The following MCF2L variants were observed in gnomAD, a reference collection of about 807,000 sequenced individuals.
MCF2L encodes the protein MCF.2 cell line derived transforming sequence like.
A neutral mutation model predicts 153.4 loss-of-function variants in MCF2L; 97 were observed. That is an observed-to-expected ratio of 0.63 (90% CI 0.54 to 0.75). The LOEUF is 0.75. MCF2L is among the 30% of genes least tolerant of loss of function. The pLI is 0.00. For missense variants in MCF2L, 1,347 were observed against 1,495.2 expected (o/e 0.90, Z 1.64); for synonymous variants, 659 against 632.2 (o/e 1.04, Z -0.64).
At chr13:112,954,472 C>T (rs1292901797) in intron 2 of MCF2L, among the ~76,000 whole-genome samples, 1 of 152,250 alleles carries the variant, frequency 6.6e-6, no homozygotes, top group African/African-American at 2.4e-5. Context: ...CGGTCATTTT[C>T]ACTCCCTCCT....
At chr13:113,021,772 C>T (rs2084901232) in intron 2 of MCF2L, among the ~76,000 whole-genome samples, 3 of 152,198 alleles carry the variant, frequency 2.0e-5, no homozygotes, top group African/African-American at 7.2e-5. Context: ...GGAGCTTTGG[C>T]GCCTGCTTTT....
At chr13:112,913,277 GGT>G (rs2081255231) in intron 2 of MCF2L, among the ~76,000 whole-genome samples, 1 of 151,570 alleles carries the variant, frequency 6.6e-6, no homozygotes, top group Non-Finnish European at 1.5e-5. Context: ...GTATGTATGG[GGT>G]GTGTCTGTGT....
chr13:112,968,295 T>C (rs1211634596), upstream of MCF2L: 3 of 442,600 alleles, frequency 6.8e-6, no homozygotes, highest in African/African-American at 4.2e-5. Flanking sequence ...TTACCTATAA[T>C]ACCAAACCAC....
At position 113,031,181 on chromosome 13, in the gene MCF2L, CAGAG is replaced by C. The variant is rs1242785068; in HGVS notation, c.278+6425_278+6428del. 7.2e-5 allele frequency among the ~76,000 whole-genome samples: 10 copies of C among 139,448 alleles called. No individual in the cohort carries two copies. Among genetic ancestry groups the C allele is most frequent in the Non-Finnish European group, 1.2e-4 (8 of 64,404 alleles). 91.5% of individuals were successfully genotyped at this position (139,448 alleles called of 152,430 possible). On this transcript the variant is annotated intron_variant, in intron 3 of 29. Transcript: ENST00000535094. The surrounding 1 kb of genome is among the most constrained non-coding windows in gnomAD (Gnocchi z 5.5). ...GAGAGAAGAGACAGAGAGTGACAGA[CAGAG>C]ACAGAGAGACAGAGACAGACAGAGA...
rs2081598894 is a variant in MCF2L, at chr13:112,943,510, C to G, written c.169+41139C>G. ...GGGCTTTGAGAGACGGGCCGCTCTT[C>G]CCGGCGCGGTGCCTTCCAGGGAGGC... is the stretch of plus-strand genomic sequence containing the variant. On this transcript the variant is annotated intron_variant, in intron 2 of 29. Coordinates refer to the MCF2L transcript ENST00000375608. The surrounding 1 kb of genome is among the most constrained non-coding windows in gnomAD (Gnocchi z 4.2). Among the ~76,000 whole-genome samples, 1 of 152,070 alleles carries G rather than the reference C, an allele frequency of 6.6e-6. No homozygotes were observed. The highest frequency in any genetic ancestry group is 2.1e-4 in the South Asian group (1 of 4,834).
chr13:113,009,004 G>C (rs569942681), intron 1 of MCF2L: 9 of 151,288 alleles, frequency 5.9e-5, no homozygotes, highest in African/African-American at 2.2e-4. Context: ...CGTGGAGAGC[G>C]GAGAGCGAAG....
At position 113,074,625 on chromosome 13, in the gene MCF2L, A is replaced by G. The variant is rs2033261400; in HGVS notation, c.1116+62A>G. On this transcript the variant is annotated intron_variant, in intron 10 of 29. Coordinates refer to ENST00000535094, the MANE Select transcript of MCF2L (RefSeq NM_001112732.3). This position sits in a 1 kb window ranked among gnomAD's most constrained non-coding sequence, Gnocchi z 4.2. ...TGGGCAGCATCATCAAGTGCTGCTC[A>G]GGAAGGCGCAGGAATGGGCCTCCCG... is the stretch of plus-strand genomic sequence containing the variant. 1 of 1,591,852 alleles carries G rather than the reference A, an allele frequency of 6.3e-7. No homozygotes were observed. The highest frequency in any genetic ancestry group is 8.6e-7 in the Non-Finnish European group (1 of 1,163,666).
intron 1 of MCF2L, among the ~76,000 whole-genome samples, chr13:112,980,517 G>A (rs569960976): frequency 8.6e-5 from 13 of 151,804 alleles, no homozygotes; most frequent in South Asian, 4.2e-4. Context: ...GCAGGTGGGC[G>A]TCAGGGAGAG....
chr13:112,917,633 A>C, intron 2 of MCF2L: 2 of 177,274 alleles, frequency 1.1e-5, no homozygotes, highest in South Asian at 1.3e-4. Flanking sequence ...TCTGGGTGGG[A>C]CCCTCTCCTG....
intron 1 of MCF2L, among the ~76,000 whole-genome samples, chr13:112,998,982 T>A (rs961741821): frequency 5.3e-5 from 8 of 152,084 alleles, no homozygotes; most frequent in African/African-American, 1.9e-4. Context: ...AAACGGTGGG[T>A]GAGCAGCCAT....
chr13:112,945,711 C>T (rs1192757612), intron 2 of MCF2L, among the ~76,000 whole-genome samples: 1 of 152,214 alleles, frequency 6.6e-6, no homozygotes, highest in African/African-American at 2.4e-5. Context: ...CATCTTGCAT[C>T]ATGGCGGTTC....
At position 112,932,196 on chromosome 13, in the gene MCF2L, C is replaced by T. The variant is rs920596864; in HGVS notation, c.169+29825C>T. 6.6e-6 allele frequency among the ~76,000 whole-genome samples: 1 copy of T among 152,132 alleles called. No homozygotes were observed. The highest frequency in any genetic ancestry group is 1.5e-5 in the Non-Finnish European group (1 of 68,038). ...AGGCAATCGAGGTCAGCACCGATGG[C>T]GACCAGGCGTGTAGACTCGTGCCCT... On this transcript the variant is annotated intron_variant, in intron 2 of 29. Coordinates refer to the MCF2L transcript ENST00000375608. This position sits in a 1 kb window ranked among gnomAD's most constrained non-coding sequence, Gnocchi z 4.6.
At position 113,099,689 on chromosome 13, in the gene MCF2L, A is replaced by G. The variant is rs1331259322; in HGVS notation, c.*2830A>G. 1 of 152,254 alleles carries G rather than the reference A, an allele frequency of 6.6e-6. No individual in the cohort carries two copies. The allele number at this position is 152,254 out of a possible 1,614,324, so 9.4% of individuals were successfully genotyped here. ...AATCTAATAAAACTGACTAATTTAT[A>G]GAAAACCTAAGAAACTCCATATCAA... On this transcript the variant is annotated 3_prime_UTR_variant, in exon 30 of 30. Coordinates refer to ENST00000535094, the MANE Select transcript of MCF2L (RefSeq NM_001112732.3).
chr13:113,037,886 A>G (rs2086246011), intron 3 of MCF2L, among the ~76,000 whole-genome samples: 1 of 152,266 alleles, frequency 6.6e-6, no homozygotes, highest in African/African-American at 2.4e-5. Context: ...CACAGGTATC[A>G]TTCATTATTT....
At chr13:113,024,612 C>G (rs192903882) in intron 2 of MCF2L, 32 bp from the exon 3 acceptor site, 1 of 1,500,538 alleles carries the variant, frequency 6.7e-7, no homozygotes, top group Non-Finnish European at 9.3e-7. Context: ...ATGGAGCCCT[C>G]GGCTAAGGGT....
intron 1 of MCF2L, among the ~76,000 whole-genome samples, chr13:113,007,349 A>G (rs1242624870): frequency 6.6e-6 from 1 of 152,312 alleles, no homozygotes; most frequent in East Asian, 1.9e-4. Context: ...CCTGGCTCAG[A>G]CAGTGTGACC....
intron 24 of MCF2L, 30 bp downstream of exon 24, chr13:113,088,435 G>T: frequency 6.2e-7 from 1 of 1,612,278 alleles, no homozygotes; most frequent in Non-Finnish European, 8.5e-7. Context: ...ATCGTTTCCC[G>T]TAGCTTCCGC....
chr13:112,901,397 G>T (rs1453513971), intron 1 of MCF2L, among the ~76,000 whole-genome samples: 1 of 152,134 alleles, frequency 6.6e-6, no homozygotes, highest in Non-Finnish European at 1.5e-5. Context: ...GAGGTGATTC[G>T]CCGGCGTCGG....
chr13:113,080,948 A>G (rs1038482427), intron 15 of MCF2L, among the ~76,000 whole-genome samples: 3 of 152,162 alleles, frequency 2.0e-5, no homozygotes, highest in Non-Finnish European at 4.4e-5. Context: ...AATCCCTCCT[A>G]CCAGGCGGTG....
Sources: allele counts gnomAD v4.1 joint callset (sites outside exome capture counted in the v4.1 genomes callset), GRCh38; gene constraint gnomAD v4.1.1; non-coding constraint Gnocchi (gnomAD v3.1); transcripts MANE v1.5; gene names NCBI Gene and HGNC (gene_info 2026-07-23, HGNC 2026-07-21).